The following GABRG3 variants were observed in gnomAD, a reference collection of about 807,000 sequenced individuals.
GABRG3 encodes gamma-aminobutyric acid type A receptor subunit gamma3.
Under a neutral mutation model 48.8 loss-of-function variants are expected in GABRG3, and 25 were observed. The observed-to-expected ratio is 0.51, with a 90% CI of 0.37 to 0.72. GABRG3 has a LOEUF of 0.72. Among genes scored for constraint, GABRG3 ranks in the 30% least tolerant of loss-of-function variants. The probability of loss-of-function intolerance (pLI) is 0.00; values close to 1 mark genes in which losing one functional copy is unlikely to be tolerated. For synonymous variants in GABRG3, 227 were observed against 217.6 expected (o/e 1.04, Z -0.38); for missense variants, 394 against 577.9 (o/e 0.68, Z 3.26).
intron 3 of GABRG3, among the ~76,000 whole-genome samples, chr15:27,086,069 A>G (rs1897071042): frequency 6.6e-6 from 1 of 151,910 alleles, no homozygotes; most frequent in South Asian, 2.1e-4. Flanking sequence ...TTTAAGATTA[A>G]ATATTACATA....
chr15:27,512,892 G>A (rs2150859044), intron 6 of GABRG3, among the ~76,000 whole-genome samples: 2 of 152,264 alleles, frequency 1.3e-5, no homozygotes, highest in South Asian at 4.1e-4. Context: ...AGTTAGAAAT[G>A]CAAATGGGAC....
rs562526623 is a variant in GABRG3, at chr15:27,533,625, C to A, written c.*744C>A. Reference sequence around the variant, plus strand: ...TTACTGAGAGTCAACAATATTTGAACTTTGGGTTCTTGGACTAGTTCAACA... The same window carrying A: ...TTACTGAGAGTCAACAATATTTGAAATTTGGGTTCTTGGACTAGTTCAACA... On this transcript the variant is annotated 3_prime_UTR_variant, in exon 10 of 10. Coordinates refer to ENST00000615808, the MANE Select transcript of GABRG3 (RefSeq NM_033223.5). 2.0e-5 allele frequency: 3 copies of A among 152,258 alleles called. No individual in the cohort carries two copies. Among genetic ancestry groups the A allele is most frequent in the South Asian group, 2.1e-4 (1 of 4,826 alleles). The allele number at this position is 152,258 out of a possible 1,614,324, so 9.4% of individuals were successfully genotyped here.
intron 3 of GABRG3, among the ~76,000 whole-genome samples, chr15:27,163,964 A>G (rs1887290650): frequency 6.6e-6 from 1 of 152,146 alleles, no homozygotes; most frequent in Admixed American, 6.5e-5. Context: ...GGAGCGGACC[A>G]ATTCAGTTAC....
chr15:27,306,115 A>G (rs1356924206), intron 3 of GABRG3, among the ~76,000 whole-genome samples: 1 of 125,996 alleles, frequency 7.9e-6, no homozygotes, highest in African/African-American at 3.0e-5. Context: ...AAACATATAT[A>G]ATATAAACCT....
intron 3 of GABRG3, among the ~76,000 whole-genome samples, chr15:27,046,928 C>T (rs901477434): frequency 1.3e-5 from 2 of 152,156 alleles, no homozygotes; most frequent in African/African-American, 4.8e-5. Flanking sequence ...TGCCACTGTA[C>T]TTCTTTCTTG....
intron 5 of GABRG3, among the ~76,000 whole-genome samples, chr15:27,343,210 C>T (rs1020645155): frequency 5.3e-5 from 8 of 152,292 alleles, no homozygotes; most frequent in South Asian, 2.1e-4. Flanking sequence ...ACCTCCCCCA[C>T]GTGGCAGCTC....
At chr15:27,500,519 T>C (rs1890597065) in intron 6 of GABRG3, among the ~76,000 whole-genome samples, 1 of 152,192 alleles carries the variant, frequency 6.6e-6, no homozygotes, top group South Asian at 2.1e-4. Context: ...AGGTGAGGAA[T>C]GGATCTGTGG....
At chr15:27,089,923 C>T (rs899760553) in intron 3 of GABRG3, among the ~76,000 whole-genome samples, 1 of 152,178 alleles carries the variant, frequency 6.6e-6, no homozygotes, top group Non-Finnish European at 1.5e-5. Context: ...ATGGATATAC[C>T]ACATTGTGTG....
At chr15:26,977,285 G>A in intron 2 of GABRG3, 135 bp downstream of exon 2, 1 of 905,762 alleles carries the variant, frequency 1.1e-6, no homozygotes, top group Non-Finnish European at 1.7e-6. Flanking sequence ...TCACACAATA[G>A]ATAACTTAGT....
chr15:27,227,310 G>A (rs1889653403), intron 3 of GABRG3, among the ~76,000 whole-genome samples: 1 of 152,050 alleles, frequency 6.6e-6, no homozygotes, highest in South Asian at 2.1e-4. Context: ...GGACAACATG[G>A]CGAAACCCTG....
chr15:27,004,204 G>A (rs1333708919), intron 2 of GABRG3, among the ~76,000 whole-genome samples: 9 of 150,812 alleles, frequency 6.0e-5, no homozygotes, highest in Admixed American at 6.6e-5. Flanking sequence ...GGTGGCTGCC[G>A]GGCGGAGGGG....
chr15:27,163,959 G>A (rs1018896274), intron 3 of GABRG3, among the ~76,000 whole-genome samples: 3 of 152,148 alleles, frequency 2.0e-5, no homozygotes, highest in Non-Finnish European at 2.9e-5. Flanking sequence ...CCTTAGGAGC[G>A]GACCAATTCA....
At chr15:27,373,824 T>C (rs1895494662) in intron 5 of GABRG3, among the ~76,000 whole-genome samples, 1 of 152,142 alleles carries the variant, frequency 6.6e-6, no homozygotes, top group Non-Finnish European at 1.5e-5. Flanking sequence ...AAAACACCAA[T>C]AAAGGAGAAT....
At chr15:27,173,300 G>A (rs527434892) in intron 3 of GABRG3, among the ~76,000 whole-genome samples, 11 of 152,172 alleles carry the variant, frequency 7.2e-5, no homozygotes, top group Admixed American at 1.3e-4. Flanking sequence ...TTAGAGTCCC[G>A]TTAGCAGTAC....
intron 3 of GABRG3, among the ~76,000 whole-genome samples, chr15:27,121,931 A>T (rs1209313235): frequency 1.3e-5 from 2 of 152,180 alleles, no homozygotes; most frequent in African/African-American, 4.8e-5. Flanking sequence ...ACTCATGAAG[A>T]TAGTAGAAGG....
At chr15:27,515,962 G>A (rs896726193) in intron 6 of GABRG3, among the ~76,000 whole-genome samples, 2 of 151,488 alleles carry the variant, frequency 1.3e-5, no homozygotes, top group African/African-American at 2.4e-5. Flanking sequence ...TCTGAAACTC[G>A]ACTGGACTTT....
Position 26,996,152 on chromosome 15 carries a change from A to G in GABRG3, c.202+19002A>G, listed in dbSNP as rs58687449. On this transcript the variant is annotated intron_variant, in intron 2 of 9. Coordinates refer to ENST00000615808, the MANE Select transcript of GABRG3 (RefSeq NM_033223.5). ...CCTTTTAAGTTAGTTGAGAAGATTT[A>G]TACAATTATATTATCTTTTATGACA... 8.2e-3 allele frequency among the ~76,000 whole-genome samples: 1,252 copies of G among 152,110 alleles called. 19 individuals carry two copies. The highest frequency in any genetic ancestry group is 0.029 in the African/African-American group (1,194 of 41,498).
At chr15:27,467,254 C>T (rs192039928) in intron 5 of GABRG3, among the ~76,000 whole-genome samples, 7 of 152,252 alleles carry the variant, frequency 4.6e-5, no homozygotes, top group East Asian at 3.9e-4. Context: ...TAATCCCATC[C>T]GGTCACTCTC....
Position 27,039,817 on chromosome 15 carries a change from C to T in GABRG3, c.270+12996C>T, listed in dbSNP as rs181974850. On this transcript the variant is annotated intron_variant, in intron 3 of 9. Transcript: ENST00000615808. ...GGAGGCACCCCTCGCTGTCACCCCG[C>T]GGTCCGCCATTGAGGTTGCGTTGAT... Among the ~76,000 whole-genome samples the T allele has an allele frequency of 4.3e-3, 660 of 152,320 alleles. 6 individuals carry two copies. The highest frequency in any genetic ancestry group is 0.025 in the Admixed American group (378 of 15,302).
Sources: gnomAD v4.1 joint callset for allele counts (sites outside exome capture counted in the v4.1 genomes callset) on GRCh38, gnomAD v4.1.1 for gene constraint, MANE v1.5 for transcripts, NCBI Gene and HGNC (gene_info 2026-07-23, HGNC 2026-07-21) for gene names.